GRID2: variants seen among roughly 807,000 people sequenced by gnomAD.
GRID2 encodes glutamate ionotropic receptor delta type subunit 2.
In GRID2, 33 loss-of-function variants were observed where a neutral mutation model predicts 114.8. The ratio of observed to expected loss-of-function variants is 0.29; its 90% confidence interval spans 0.22 to 0.38. The LOEUF (loss-of-function observed/expected upper bound fraction) is 0.38, where lower values mean the gene tolerates loss of function less well. Ranked by LOEUF, GRID2 falls within the 10% of genes least tolerant of loss-of-function variation. GRID2 has a pLI of 1.00. For missense variants in GRID2, 1,184 were observed against 1,257.7 expected, an observed-to-expected ratio of 0.94 and a Z score of 0.89; for synonymous variants, 505 against 449.9, an observed-to-expected ratio of 1.12 and a Z score of -1.55.
At chr4:92,757,184 C>T (rs1737760400) in intron 2 of GRID2, among the ~76,000 whole-genome samples, 3 of 152,096 alleles carry the variant, frequency 2.0e-5, no homozygotes. Flanking sequence ...CCAGTTTTCC[C>T]AAAACCATTT....
At chr4:92,515,569 T>C (rs1398071057) in intron 1 of GRID2, among the ~76,000 whole-genome samples, 1 of 151,880 alleles carries the variant, frequency 6.6e-6, no homozygotes, top group Non-Finnish European at 1.5e-5. Flanking sequence ...GTGATTTTAT[T>C]AATAATGGGT....
intron 2 of GRID2, among the ~76,000 whole-genome samples, chr4:93,077,221 C>A (rs1422993619): frequency 6.6e-6 from 1 of 151,940 alleles, no homozygotes. Flanking sequence ...ATGTGATAAC[C>A]AAGTTGAGAT....
At chr4:93,005,415 T>A (rs1721412207) in intron 2 of GRID2, among the ~76,000 whole-genome samples, 2 of 152,062 alleles carry the variant, frequency 1.3e-5, no homozygotes, top group African/African-American at 4.8e-5. Flanking sequence ...TTGTAGTATG[T>A]CACTTAGAGT....
At chr4:92,894,487 A>G (rs1747015621) in intron 2 of GRID2, among the ~76,000 whole-genome samples, 1 of 152,128 alleles carries the variant, frequency 6.6e-6, no homozygotes, top group Non-Finnish European at 1.5e-5. Flanking sequence ...AAATAAATAA[A>G]CTACAAGTAC....
chr4:92,691,977 G>T (rs576878395), intron 2 of GRID2, among the ~76,000 whole-genome samples: 78 of 152,220 alleles, frequency 5.1e-4, no homozygotes, highest in Non-Finnish European at 9.7e-4. Context: ...TGTGAGATGG[G>T]AAAAGAACTG....
rs199567867 is a variant in GRID2, at chr4:92,445,735, T to A, written c.88+140991T>A. Among the ~76,000 whole-genome samples the A allele has an allele frequency of 5.3e-5, 8 of 152,194 alleles. No individual in the cohort carries two copies. In the East Asian group the frequency reaches 1.3e-3, roughly 26 times the overall value. ...GTGGTGTGGTTCCCCAAATAACAAATTCTATCTTAGGTAGGCTGCATTTCT... is the reference window on the plus strand; with the variant it reads ...GTGGTGTGGTTCCCCAAATAACAAAATCTATCTTAGGTAGGCTGCATTTCT... On this transcript the variant is annotated intron_variant, in intron 1 of 15. Transcript: ENST00000282020.
chr4:93,530,577 A>G (rs1353026211), intron 13 of GRID2, among the ~76,000 whole-genome samples: 1 of 152,088 alleles, frequency 6.6e-6, no homozygotes, highest in Non-Finnish European at 1.5e-5. Context: ...CCTCAGTTGT[A>G]CTATGATGTC....
chr4:92,776,682 C>G (rs1175284736), intron 2 of GRID2, among the ~76,000 whole-genome samples: 1 of 151,900 alleles, frequency 6.6e-6, no homozygotes, highest in Non-Finnish European at 1.5e-5. Context: ...TTGCCTCATT[C>G]CTCTGTAAAG....
At chr4:93,392,493 A>G (rs1764951270) in intron 8 of GRID2, among the ~76,000 whole-genome samples, 1 of 152,148 alleles carries the variant, frequency 6.6e-6, no homozygotes, top group African/African-American at 2.4e-5. Context: ...ACTCATTTTC[A>G]TTGCTTATTA....
intron 8 of GRID2, among the ~76,000 whole-genome samples, chr4:93,305,498 A>C (rs938357013): frequency 6.6e-6 from 1 of 152,162 alleles, no homozygotes; most frequent in African/African-American, 2.4e-5. Context: ...GAGTAAGGAT[A>C]GTTTTAGGAG....
intron 2 of GRID2, among the ~76,000 whole-genome samples, chr4:92,634,873 G>GAGAA (rs199899585): frequency 4.1e-3 from 562 of 138,392 alleles, no homozygotes; most frequent in Non-Finnish European, 5.5e-3. Flanking sequence ...GAGAGAGAGA[G>GAGAA]AGAGAAAGAG....
chr4:93,140,534 C>T (rs767278260), intron 4 of GRID2, among the ~76,000 whole-genome samples: 1 of 152,156 alleles, frequency 6.6e-6, no homozygotes, highest in Admixed American at 6.5e-5. Flanking sequence ...ACAACTTCAT[C>T]TATTCCTCCA....
At chr4:92,635,332 G>A (rs1731016719) in intron 2 of GRID2, among the ~76,000 whole-genome samples, 1 of 152,006 alleles carries the variant, frequency 6.6e-6, no homozygotes, top group Admixed American at 6.6e-5. Context: ...GCTCTCAGTT[G>A]CCCTTAGACT....
At chr4:93,758,072 CTG>C (rs1251057733) in intron 14 of GRID2, among the ~76,000 whole-genome samples, 1 of 152,176 alleles carries the variant, frequency 6.6e-6, no homozygotes, top group African/African-American at 2.4e-5. Context: ...TGAAGAGAAA[CTG>C]TTCTCCTGTG....
chr4:92,739,989 ATCCTTAT>A lies in GRID2; in HGVS notation c.244+149704_244+149710del, dbSNP rs1348279483. On this transcript the variant is annotated intron_variant, in intron 2 of 15. Transcript: ENST00000282020. ...AATCTCATTATAGAAGGATATTACT[ATCCTTAT>A]ATTCTTTTAAAAGTTGAAGGAAATT... Among the ~76,000 whole-genome samples, 3 of 152,180 alleles carry A rather than the reference ATCCTTAT, an allele frequency of 2.0e-5. No homozygotes were observed. In the East Asian group the frequency reaches 5.8e-4, roughly 29 times the overall value.
At chr4:93,297,421 C>T (rs1754428296) in intron 8 of GRID2, among the ~76,000 whole-genome samples, 2 of 152,088 alleles carry the variant, frequency 1.3e-5, no homozygotes, top group South Asian at 2.1e-4. Flanking sequence ...AGTAATTACT[C>T]ATAGGATTGA....
At chr4:92,746,596 ATC>A (rs1287607753) in intron 2 of GRID2, among the ~76,000 whole-genome samples, 1 of 152,104 alleles carries the variant, frequency 6.6e-6, no homozygotes, top group Non-Finnish European at 1.5e-5. Context: ...GGGATAGTTT[ATC>A]TCTGTTTATC....
At chr4:93,383,187 G>A (rs1764020045) in intron 8 of GRID2, among the ~76,000 whole-genome samples, 1 of 152,062 alleles carries the variant, frequency 6.6e-6, no homozygotes, top group Non-Finnish European at 1.5e-5. Flanking sequence ...GAGGGGTAGG[G>A]GTGTGCAACA....
chr4:93,370,219 C>G (rs559436607), intron 8 of GRID2, among the ~76,000 whole-genome samples: 31 of 152,094 alleles, frequency 2.0e-4, no homozygotes, highest in Non-Finnish European at 3.7e-4. Context: ...CTTGTGTTCT[C>G]TACTTAAAAA....
Sources: allele counts gnomAD v4.1 joint callset (sites outside exome capture counted in the v4.1 genomes callset), GRCh38; gene constraint gnomAD v4.1.1; transcripts MANE v1.5; gene names NCBI Gene and HGNC (gene_info 2026-07-23, HGNC 2026-07-21).